CEP72: variants seen among roughly 807,000 people sequenced by gnomAD.
The protein encoded by CEP72 is centrosomal protein of 72 kDa.
A neutral mutation model predicts 65.7 loss-of-function variants in CEP72; 78 were observed. The ratio of observed to expected loss-of-function variants is 1.19; its 90% CI spans 0.99 to 1.43. The LOEUF (loss-of-function observed/expected upper bound fraction) is 1.43, where lower values mean the gene tolerates loss of function less well. Ranked by LOEUF, CEP72 falls within the 40% of genes most tolerant of loss-of-function variation. The probability of loss-of-function intolerance (pLI) is 0.00; values close to 1 mark genes in which losing one functional copy is unlikely to be tolerated. For synonymous variants in CEP72, 358 were observed against 351.7 expected, an observed-to-expected ratio of 1.02 and a Z score of -0.20; for missense variants, 914 against 832.9, an observed-to-expected ratio of 1.10 and a Z score of -1.20.
At chr5:675,144 T>TGGCCAGGGGTGCAATGC in the CEP72 span, among the ~76,000 whole-genome samples, 2 of 116,508 alleles carry the variant, frequency 1.7e-5, no homozygotes, top group Non-Finnish European at 3.5e-5. Context: ...GGGTGCAGTG[T>TGGCCAGGGGTGCAATGC]GGCCAGGGGT....
At chr5:659,799 C>G (rs1739505485), downstream of CEP72, 1 of 152,394 alleles carries the variant, frequency 6.6e-6, no homozygotes, top group African/African-American at 2.4e-5. Flanking sequence ...ACCTGGGGCC[C>G]CTCCAGTACC....
chr5:643,521 C>T (rs1274519063), intron 9 of CEP72: 10 of 985,382 alleles, frequency 1.0e-5, no homozygotes, highest in Middle Eastern at 5.2e-4. Context: ...GCTCACTGAG[C>T]GGAGAAGGAT....
rs537772198 is a variant in CEP72, at chr5:623,725, G to A, written c.404-746G>A. ...CCTGAGGGTGCCCTGTGTGCTGGGT[G>A]GAGAGTGCCCCAGGTTGCAGAGGCC... is the stretch of plus-strand genomic sequence containing the variant. On this transcript the variant is annotated intron_variant, in intron 3 of 11. Transcript: ENST00000264935. The surrounding 1 kb of genome is among the most constrained non-coding windows in gnomAD (Gnocchi z 5.3). 5.9e-5 allele frequency among the ~76,000 whole-genome samples: 9 copies of A among 152,188 alleles called. 1 individual carries two copies. The South Asian group carries it at 1.9e-3, about 32-fold the overall frequency.
rs557017965 is a variant in CEP72, at chr5:617,876, A to G, written c.83-1114A>G. On this transcript the variant is annotated intron_variant, in intron 1 of 11. Transcript: ENST00000264935. ...TAAGACTCCATCTGAAAACAAAAAC[A>G]AAAAAACCAAAACATATTCTAAAAC... is the stretch of plus-strand genomic sequence containing the variant. 9.2e-5 allele frequency among the ~76,000 whole-genome samples: 14 copies of G among 152,358 alleles called. No homozygotes were observed. The South Asian group carries it at 1.4e-3, about 16-fold the overall frequency.
downstream of CEP72, among the ~76,000 whole-genome samples, chr5:668,519 C>T (rs1561082343): frequency 1.3e-5 from 2 of 151,896 alleles, no homozygotes; most frequent in Non-Finnish European, 2.9e-5. Flanking sequence ...AGCGAGGCCC[C>T]TGCACACTCT....
At position 619,088 on chromosome 5, in the gene CEP72, C is replaced by A. The variant is rs1376000455; in HGVS notation, c.181C>A (p.Leu61Ile). ...TTTAACAGGTCTGAAATCTTTGGAT[C>A]TCTCGCGCAACTCCTTGGTTAGTCT... is the stretch of plus-strand genomic sequence containing the variant. ...MSLTGLKSLD[L>I]SRNSLVSLEG... The change falls in exon 2 of 12, where the codon CTC becomes ATC. Residue 61 changes from leucine (L) to isoleucine (I), a missense_variant. Coordinates refer to ENST00000264935, the MANE Select transcript of CEP72 (RefSeq NM_018140.4). The A allele has an allele frequency of 1.2e-6, 2 of 1,613,868 alleles. No homozygotes were observed. Among genetic ancestry groups the A allele is most frequent in the Non-Finnish European group, 1.7e-6 (2 of 1,179,752 alleles).
chr5:665,355 G>A (rs1739852956), intron 3 of CEP72: 1 of 1,519,562 alleles, frequency 6.6e-7, no homozygotes, highest in East Asian at 2.4e-5. Context: ...AGGCCAGCAA[G>A]TGAAATGGCT....
chr5:656,523 C>G (rs1739384086), downstream of CEP72, among the ~76,000 whole-genome samples: 2 of 152,096 alleles, frequency 1.3e-5, no homozygotes, highest in South Asian at 4.1e-4. Context: ...AATCCTAGGT[C>G]CTTGTTATTT....
At chr5:650,866 C>T (rs866285607) in intron 11 of CEP72, among the ~76,000 whole-genome samples, 1 of 1,076 alleles carries the variant, frequency 9.3e-4, no homozygotes, top group Admixed American at 9.1e-3. Flanking sequence ...GACTGTGAGG[C>T]GTGGACTGTG....
chr5:665,481 C>T (rs1279240839), intron 3 of CEP72, among the ~76,000 whole-genome samples: 6 of 152,052 alleles, frequency 3.9e-5, no homozygotes, highest in African/African-American at 1.2e-4. Context: ...AGCCTTGGGC[C>T]TGCGGGGTGC....
intron 9 of CEP72, chr5:641,555 T>C (rs879918561): frequency 1.6e-5 from 16 of 985,290 alleles, no homozygotes; most frequent in African/African-American, 1.7e-5. Context: ...ACAGGCAGCC[T>C]CTGTTTAAAC....
Position 637,809 on chromosome 5 carries a change from C to T in CEP72, c.1197C>T (p.Asp399=). 3 of 1,564,440 alleles carry T rather than the reference C, an allele frequency of 1.9e-6. No homozygotes were observed. Among genetic ancestry groups the T allele is most frequent in the Non-Finnish European group, 2.6e-6 (3 of 1,152,628 alleles). ...AGCAGAGGTCTCGGGGTGTGACCGA[C>T]ACCAGAGAGGTGAGAGAAGGGCTGG... ...TEEQRSRGVT[D]TREPSPGSHS... Residue 399 remains aspartate (D), a synonymous_variant, in exon 7 of 12, where the codon GAC becomes GAT. Transcript: ENST00000264935.
chr5:613,201 C>G (rs1414456294), intron 1 of CEP72, among the ~76,000 whole-genome samples: 1 of 152,150 alleles, frequency 6.6e-6, no homozygotes, highest in African/African-American at 2.4e-5. Context: ...CTGTTAATGT[C>G]TGTGTGTGGT....
intron 2 of CEP72, chr5:665,128 C>T (rs758956291): frequency 1.1e-5 from 17 of 1,612,164 alleles, no homozygotes; most frequent in Admixed American, 3.3e-5. Flanking sequence ...ACCTTCTGGT[C>T]GTAGGTGCCT....
intron 2 of CEP72, chr5:664,862 C>T (rs1010135914): frequency 2.6e-5 from 14 of 539,034 alleles, no homozygotes; most frequent in Middle Eastern, 4.9e-4. Context: ...TGGCTGAGGA[C>T]GAGGCAGGTG....
intron 9 of CEP72, 74 bp downstream of exon 9, chr5:640,678 G>T: frequency 6.7e-7 from 1 of 1,495,522 alleles, no homozygotes; most frequent in Non-Finnish European, 8.9e-7. Context: ...AGGAACGAGG[G>T]CAGCTCCTTG....
intron 11 of CEP72, among the ~76,000 whole-genome samples, chr5:651,853 G>A (rs1379414812): frequency 7.1e-5 from 4 of 56,314 alleles, no homozygotes; most frequent in Non-Finnish European, 1.1e-4. Context: ...CCTTTCCCCC[G>A]ACCTCCCATT....
chr5:669,441 C>T (rs1049365673), downstream of CEP72, among the ~76,000 whole-genome samples: 5 of 152,196 alleles, frequency 3.3e-5, no homozygotes, highest in Non-Finnish European at 1.5e-5. Flanking sequence ...CTGGAACTGA[C>T]AGTGCCCATT....
intron 7 of CEP72, among the ~76,000 whole-genome samples, chr5:638,500 G>T (rs994869450): frequency 6.6e-6 from 1 of 151,998 alleles, no homozygotes; most frequent in Admixed American, 6.5e-5. Flanking sequence ...TTGAAGGTGC[G>T]GAACTGTGGG....
Sources: gnomAD v4.1 joint callset for allele counts (sites outside exome capture counted in the v4.1 genomes callset) on GRCh38, gnomAD v4.1.1 for gene constraint, Gnocchi (gnomAD v3.1) non-coding constraint, MANE v1.5 for transcripts, NCBI Gene and HGNC (gene_info 2026-07-23, HGNC 2026-07-21) for gene names.